Variants in MROH7 observed in about 807,000 individuals in gnomAD.
The protein encoded by MROH7 is maestro heat like repeat family member 7.
Under a neutral mutation model 129.2 loss-of-function variants are expected in MROH7, and 113 were observed. That is an observed-to-expected ratio of 0.87 (90% confidence interval 0.75 to 1.02). MROH7 has a LOEUF of 1.02. Among genes scored for constraint, MROH7 ranks in the 50% least tolerant of loss-of-function variants. The pLI is 0.00. For synonymous variants in MROH7, 655 were observed against 667.9 expected (o/e 0.98, Z 0.30); for missense variants, 1,601 against 1,671.3 (o/e 0.96, Z 0.73).
chr1:54,669,444 G>A (rs1345452067), intron 5 of MROH7, among the ~76,000 whole-genome samples: 1 of 152,152 alleles, frequency 6.6e-6, no homozygotes, highest in African/African-American at 2.4e-5. Context: ...AAAAGTCCTT[G>A]CCCTCCATAC....
intron 17 of MROH7, chr1:54,699,744 G>T (rs539689047): frequency 2.1e-5 from 6 of 284,100 alleles, no homozygotes; most frequent in Admixed American, 9.3e-5. Context: ...TTGGATAGGG[G>T]AGGCAGATGG....
intron 1 of MROH7, among the ~76,000 whole-genome samples, chr1:54,647,740 T>TG (rs1295990713): frequency 3.6e-3 from 93 of 26,194 alleles, no homozygotes; most frequent in Middle Eastern, 0.026. Flanking sequence ...AACTCTGTAT[T>TG]GAAAAAAAAA....
intron 7 of MROH7, among the ~76,000 whole-genome samples, chr1:54,672,010 G>A (rs1056932476): frequency 4.6e-5 from 7 of 152,024 alleles, no homozygotes; most frequent in African/African-American, 7.3e-5. Context: ...TAGCTACAGA[G>A]GGTGGCAGAA....
At chr1:54,645,342 C>T (rs1644447677) in intron 1 of MROH7, among the ~76,000 whole-genome samples, 1 of 151,930 alleles carries the variant, frequency 6.6e-6, no homozygotes, top group Admixed American at 6.6e-5. Context: ...GGTAGTGGTG[C>T]AATCTTGGCT....
chr1:54,692,516 T>C lies in MROH7; in HGVS notation c.2804T>C (p.Met935Thr), dbSNP rs1645255749. 6.2e-7 allele frequency: 1 copy of C among 1,606,732 alleles called. No individual in the cohort carries two copies. Among genetic ancestry groups the C allele is most frequent in the Non-Finnish European group, 8.5e-7 (1 of 1,175,984 alleles). The part of the protein sequence containing the change: ...FLEDQGGWEL[M>T]EQVESHHRGV... ...GAGGACCAGGGTGGCTGGGAGCTCA[T>C]GGAGCAGGTGGAGAGCCACCACCGC... is the stretch of plus-strand genomic sequence containing the variant. Residue 935 changes from methionine to threonine, a missense_variant, in exon 16 of 24, where the codon ATG becomes ACG. By Grantham distance (81) the Met-to-Thr change is moderately conservative. Transcript: ENST00000421030.
At chr1:54,645,690 T>A (rs1362799984) in intron 1 of MROH7, among the ~76,000 whole-genome samples, 1 of 146,852 alleles carries the variant, frequency 6.8e-6, no homozygotes, top group Non-Finnish European at 1.5e-5. Flanking sequence ...TCTCTCCCTG[T>A]TGTCCGGGCT....
chr1:54,696,633 C>CAT (rs1645326301), intron 17 of MROH7, among the ~76,000 whole-genome samples: 1 of 133,500 alleles, frequency 7.5e-6, no homozygotes, highest in Non-Finnish European at 1.6e-5. Flanking sequence ...TTTATCTATG[C>CAT]TGTTGCATGC....
At chr1:54,692,371 T>C in intron 15 of MROH7, 53 bp from the exon 16 acceptor site, 1 of 1,602,446 alleles carries the variant, frequency 6.2e-7, no homozygotes, top group South Asian at 1.1e-5. Context: ...GAGGGAGGCT[T>C]GGCCTGCTAG....
rs144576132 is a variant in MROH7 at position 54,692,862 on chromosome 1, C to A, written c.2849+301C>A. ...TGCCAAAACAGAAATGGTGGTATAA[C>A]CAAGTTGTTGAGGTGTGGCCTTGGA... On this transcript the variant is annotated intron_variant, in intron 16 of 23. Coordinates refer to ENST00000421030, the MANE Select transcript of MROH7 (RefSeq NM_001039464.4). Among the ~76,000 whole-genome samples the A allele has an allele frequency of 1.3e-3, 192 of 152,266 alleles. 1 individual carries two copies. The highest frequency in any genetic ancestry group is 1.7e-3 in the Non-Finnish European group (119 of 68,028).
intron 15 of MROH7, 71 bp downstream of exon 15, chr1:54,686,519 A>C: frequency 1.4e-6 from 2 of 1,426,234 alleles, no homozygotes; most frequent in Non-Finnish European, 1.9e-6. Context: ...AGAGCCTCCA[A>C]AAGTCTCAGG....
chr1:54,650,539 C>G (rs577700860), intron 1 of MROH7, among the ~76,000 whole-genome samples: 1 of 151,866 alleles, frequency 6.6e-6, no homozygotes, highest in Admixed American at 6.6e-5. Context: ...CCTCTTCCCT[C>G]TCCTCTTTAC....
rs80194819 is a variant in MROH7, at chr1:54,695,883, A to C, written c.2964+393A>C. ...GAGTGATTTGTACTATGATGGGGCC[A>C]TCTAGGCTGTGGTGGGGAAACAAGT... is the stretch of plus-strand genomic sequence containing the variant. On this transcript the variant is annotated intron_variant, in intron 17 of 23. Coordinates refer to ENST00000421030, the MANE Select transcript of MROH7 (RefSeq NM_001039464.4). 9.6e-3 allele frequency: 3,095 copies of C among 321,822 alleles called. 87 individuals are homozygous for C. Among genetic ancestry groups the C allele is most frequent in the African/African-American group, 0.063 (2,887 of 46,158 alleles). The allele number at this position is 321,822 out of a possible 1,614,324, so 19.9% of individuals were successfully genotyped here.
chr1:54,690,916 T>C (rs912919622), intron 15 of MROH7, among the ~76,000 whole-genome samples: 3 of 152,142 alleles, frequency 2.0e-5, no homozygotes, highest in Non-Finnish European at 4.4e-5. Flanking sequence ...ATGATGACCC[T>C]GGAGATAGGG....
At chr1:54,658,544 CTT>C (rs1644682775) in intron 3 of MROH7, among the ~76,000 whole-genome samples, 1 of 152,118 alleles carries the variant, frequency 6.6e-6, no homozygotes, top group African/African-American at 2.4e-5. Flanking sequence ...CTTTTAAAAA[CTT>C]TTTTGGGGTA....
Position 54,670,781 on chromosome 1 carries a change from CT to C in MROH7, c.1470-16del, listed in dbSNP as rs1644887689. ...GCCCCTCTCTCACTCCATTTCTTTG[CT>C]TTCTGCCTCTTCTCCAGCCACACCC... On this transcript the variant is annotated intron_variant, in intron 6 of 23. Transcript: ENST00000421030. 12 of 1,610,620 alleles carry C rather than the reference CT, an allele frequency of 7.5e-6. No individual in the cohort carries two copies. The highest frequency in any genetic ancestry group is 1.7e-4 in the Middle Eastern group (1 of 6,052).
At chr1:54,658,343 C>A (rs935686107) in intron 3 of MROH7, among the ~76,000 whole-genome samples, 9 of 152,050 alleles carry the variant, frequency 5.9e-5, no homozygotes, top group African/African-American at 2.2e-4. Flanking sequence ...ATATGTCTGT[C>A]CTTATGCCAG....
chr1:54,708,898 G>A, intron 22 of MROH7, 116 bp from the exon 23 acceptor site: 1 of 881,650 alleles, frequency 1.1e-6, no homozygotes, highest in Non-Finnish European at 1.9e-6. Flanking sequence ...GTGTTCTCAT[G>A]TGTGGGGCTG....
intron 21 of MROH7, among the ~76,000 whole-genome samples, chr1:54,705,395 C>T (rs1645516745): frequency 6.6e-6 from 1 of 152,200 alleles, no homozygotes; most frequent in Non-Finnish European, 1.5e-5. Flanking sequence ...ATGGCCCCTT[C>T]TCTTGGGGGA....
rs527761953 is a variant in MROH7, at chr1:54,641,900, A to G, written c.-178A>G. On this transcript the variant is annotated 5_prime_UTR_variant, in exon 1 of 24. Transcript: ENST00000421030. ...AAGTCTCCTGCTCTGGCTGTATTCC[A>G]CAGTTAGAACTTCATATCTTTGGCT... 2 of 152,340 alleles carry G rather than the reference A, an allele frequency of 1.3e-5. No homozygotes were observed. The highest frequency in any genetic ancestry group is 3.9e-4 in the East Asian group (2 of 5,178). 9.4% of individuals were successfully genotyped at this position (152,340 alleles called of 1,614,324 possible).
Sources: gnomAD v4.1 joint callset for allele counts (sites outside exome capture counted in the v4.1 genomes callset) on GRCh38, gnomAD v4.1.1 for gene constraint, MANE v1.5 for transcripts, NCBI Gene and HGNC (gene_info 2026-07-23, HGNC 2026-07-21) for gene names.